UBE3C: variants seen among roughly 807,000 people sequenced by gnomAD.
UBE3C encodes the protein ubiquitin-protein ligase E3C.
UBE3C carries 42 observed loss-of-function variants against 129.4 expected under a neutral mutation model. That is an observed-to-expected ratio of 0.32 (90% CI 0.25 to 0.42). The LOEUF is 0.42. Ranked by LOEUF, UBE3C falls within the 10% of genes least tolerant of loss-of-function variation. The pLI, the probability that UBE3C is intolerant of heterozygous loss-of-function variation, is 1.00. For missense variants in UBE3C, 1,049 were observed against 1,319.1 expected, an observed-to-expected ratio of 0.80 and a Z score of 3.17; for synonymous variants, 510 against 492.4, an observed-to-expected ratio of 1.04 and a Z score of -0.47.
chr7:157,162,523 T>C (rs1808099840), intron 1 of UBE3C, among the ~76,000 whole-genome samples: 1 of 151,074 alleles, frequency 6.6e-6, no homozygotes, highest in African/African-American at 2.4e-5. Context: ...GATTCATATA[T>C]AGTGTCTCCA....
At chr7:157,225,605 T>C in intron 17 of UBE3C, 66 bp downstream of exon 17, 1 of 1,472,138 alleles carries the variant, frequency 6.8e-7, no homozygotes, top group South Asian at 1.5e-5. Context: ...TAGAAAATGG[T>C]GGTTCTTTAA....
rs1807351159 is a variant in UBE3C, at chr7:157,139,201, A to T, written c.-72A>T. ...GGCGGGCGGGCGCCGAGAGCCTCCC[A>T]GCCCGCCCCGTGCCCCGCCCGCCCG... On this transcript the variant is annotated 5_prime_UTR_variant, in exon 1 of 23. Coordinates refer to ENST00000348165, the MANE Select transcript of UBE3C (RefSeq NM_014671.3). 24 of 1,200,828 alleles carry T rather than the reference A, an allele frequency of 2.0e-5. No individual in the cohort carries two copies. The highest frequency in any genetic ancestry group is 2.4e-5 in the Non-Finnish European group (23 of 947,462). 74.4% of individuals were successfully genotyped at this position (1,200,828 alleles called of 1,614,324 possible).
intron 1 of UBE3C, among the ~76,000 whole-genome samples, chr7:157,153,210 AAAC>A (rs1379291151): frequency 2.0e-5 from 3 of 152,174 alleles, no homozygotes; most frequent in Non-Finnish European, 4.4e-5. Flanking sequence ...AAACAAAACA[AAAC>A]AAAATTGTTC....
intron 11 of UBE3C, among the ~76,000 whole-genome samples, chr7:157,204,561 C>T (rs1375083620): frequency 6.6e-6 from 1 of 152,124 alleles, no homozygotes; most frequent in Non-Finnish European, 1.5e-5. Flanking sequence ...TAGCAGACCA[C>T]ATTTAAACAA....
At chr7:157,255,211 T>G (rs2116696456) in intron 21 of UBE3C, among the ~76,000 whole-genome samples, 1 of 152,038 alleles carries the variant, frequency 6.6e-6, no homozygotes, top group Admixed American at 6.5e-5. Flanking sequence ...AGTAAGCAAA[T>G]AAGCACACAA....
At chr7:157,166,912 T>TTGA (rs879891343) in intron 2 of UBE3C, among the ~76,000 whole-genome samples, 1 of 126,564 alleles carries the variant, frequency 7.9e-6, no homozygotes, top group African/African-American at 3.8e-5. Context: ...CTTTTTCCTG[T>TTGA]TGGTGGTGGT....
intron 5 of UBE3C, among the ~76,000 whole-genome samples, chr7:157,177,171 A>T (rs1026407484): frequency 6.6e-6 from 1 of 152,184 alleles, no homozygotes; most frequent in Non-Finnish European, 1.5e-5. Context: ...TGGTATTGAC[A>T]TTTGTCAAAA....
intron 10 of UBE3C, among the ~76,000 whole-genome samples, chr7:157,190,511 CA>C (rs1257188279): frequency 6.6e-6 from 1 of 152,130 alleles, no homozygotes; most frequent in Non-Finnish European, 1.5e-5. Flanking sequence ...CACATGTGGC[CA>C]GGGGCTACCT....
intron 1 of UBE3C, among the ~76,000 whole-genome samples, chr7:157,152,479 G>A (rs1807784195): frequency 6.6e-6 from 1 of 152,130 alleles, no homozygotes; most frequent in African/African-American, 2.4e-5. Context: ...CCTGCAGTGG[G>A]CATTTTCTTT....
At chr7:157,192,858 G>T in intron 10 of UBE3C, 5 of 900,678 alleles carry the variant, frequency 5.6e-6, no homozygotes, top group African/African-American at 1.7e-5. Context: ...TAAAAGACAT[G>T]AACTTAAAAA....
chr7:157,209,134 C>A (rs1313816554), intron 13 of UBE3C, among the ~76,000 whole-genome samples: 1 of 152,168 alleles, frequency 6.6e-6, no homozygotes, highest in East Asian at 1.9e-4. Flanking sequence ...TCAAGCTAGA[C>A]TTTAGGAAGG....
intron 18 of UBE3C, among the ~76,000 whole-genome samples, chr7:157,242,828 G>C (rs1833097): frequency 0.14 from 20,852 of 152,016 alleles, 1,663 homozygotes; most frequent in African/African-American, 0.2. Context: ...AGGCCAAGGC[G>C]GGAGAATCAC....
chr7:157,201,537 C>T (rs772899565), intron 10 of UBE3C, among the ~76,000 whole-genome samples, 184 bp from the exon 11 acceptor site: 6 of 150,104 alleles, frequency 4.0e-5, no homozygotes, highest in Admixed American at 1.3e-4. Context: ...CTTTGGGAGC[C>T]GTGTCTCGGT....
Position 157,201,804 on chromosome 7 carries a change from C to T in UBE3C, c.1415C>T (p.Thr472Ile). 1 of 1,607,984 alleles carries T rather than the reference C, an allele frequency of 6.2e-7. No individual in the cohort carries two copies. The change falls in exon 11 of 23, where the codon ACA becomes ATA. Residue 472 changes from threonine (T) to isoleucine (I), a missense_variant. Thr to Ile is a moderately conservative substitution (Grantham distance 89, BLOSUM62 -1). This residue lies in a region of UBE3C where 314 missense variants were observed against 416.9 expected (regional missense o/e 0.75). Transcript: ENST00000348165. The stretch of plus-strand genomic sequence containing the variant: ...TCTTCCATGTCAACACGGATGATCA[C>T]AGGGTATGTATTATACAGACTTATA... ...LISSMSTRMI[T>I]GSMVPLLQVI... is the part of the protein sequence containing the mutation.
chr7:157,184,480 A>G (rs1023340408), intron 9 of UBE3C, among the ~76,000 whole-genome samples: 18 of 152,216 alleles, frequency 1.2e-4, no homozygotes, highest in African/African-American at 4.3e-4. Context: ...TATTGAGTTT[A>G]CAGTATATTT....
At chr7:157,252,693 G>A (rs1453569720) in intron 19 of UBE3C, among the ~76,000 whole-genome samples, 1 of 152,228 alleles carries the variant, frequency 6.6e-6, no homozygotes, top group Admixed American at 6.5e-5. Context: ...TGGGACATCA[G>A]TGCCATTGCC....
chr7:157,263,258 C>A (rs1390066532), intron 22 of UBE3C: 1 of 119,808 alleles, frequency 8.3e-6, no homozygotes, highest in Non-Finnish European at 1.8e-5. Flanking sequence ...CTAACGCCAC[C>A]TTCCCAGGCA....
chr7:157,158,214 G>C (rs2116842022), intron 1 of UBE3C, among the ~76,000 whole-genome samples: 1 of 152,044 alleles, frequency 6.6e-6, no homozygotes, highest in South Asian at 2.1e-4. Context: ...TTAACTTGGA[G>C]GCTGCGAAGA....
intron 1 of UBE3C, 147 bp downstream of exon 1, chr7:157,139,485 C>A: frequency 1.4e-6 from 1 of 731,954 alleles, no homozygotes; most frequent in African/African-American, 1.9e-5. Flanking sequence ...CTCGGGGCTT[C>A]CTCGCCGGAT....
Sources: gnomAD v4.1 joint callset for allele counts (sites outside exome capture counted in the v4.1 genomes callset) on GRCh38, gnomAD v4.1.1 for gene constraint, gnomAD v4.1.1 regional missense constraint, MANE v1.5 for transcripts, NCBI Gene and HGNC (gene_info 2026-07-23, HGNC 2026-07-21) for gene names.